Variants in FANCC observed in about 807,000 individuals in gnomAD.
The protein encoded by FANCC is FA complementation group C.
A neutral mutation model predicts 71.3 loss-of-function variants in FANCC; 55 were observed. That is an observed-to-expected ratio of 0.77 (90% CI 0.62 to 0.97). The LOEUF is 0.97. Ranked by LOEUF, FANCC falls within the 50% of genes least tolerant of loss-of-function variation. FANCC has a pLI of 0.00. For synonymous variants in FANCC, 275 were observed against 244.9 expected (o/e 1.12, Z -1.15); for missense variants, 678 against 670.9 (o/e 1.01, Z -0.12).
At chr9:95,149,805 T>C in intron 7 of FANCC, 118 bp downstream of exon 7, 1 of 1,161,566 alleles carries the variant, frequency 8.6e-7, no homozygotes, top group Admixed American at 2.0e-5. Flanking sequence ...TTTAAGAGTA[T>C]AAAGGGTACT....
rs1389094440 is a variant in FANCC at position 95,249,175 on chromosome 9, A to C, written c.117T>G (p.Ala39=). 1 of 1,614,120 alleles carries C rather than the reference A, an allele frequency of 6.2e-7. No homozygotes were observed. Among genetic ancestry groups the C allele is most frequent in the Non-Finnish European group, 8.5e-7 (1 of 1,179,980 alleles). The change falls in exon 2 of 15, where the codon GCT becomes GCG. Residue 39 remains alanine (A), a synonymous_variant. Transcript: ENST00000289081. The stretch of plus-strand genomic sequence containing the variant: ...TCTTCCTTAGGAACTCCTGGAACTG[A>C]GCCACGTGAAGACAGGTGTCTTGCT... ...ETQQDTCLHV[A]QFQEFLRKMY...
rs567646907 is a variant in FANCC at position 95,250,217 on chromosome 9, G to A, written c.-78-848C>T. Reference sequence around the variant, plus strand: ...GCCAGAAGCAGGAATCGCAGAGGAGGGAAGGCTGCCTCTCAACAGGTGCAG... The same window carrying A: ...GCCAGAAGCAGGAATCGCAGAGGAGAGAAGGCTGCCTCTCAACAGGTGCAG... On this transcript the variant is annotated intron_variant, in intron 1 of 14. Transcript: ENST00000289081. 4.6e-5 allele frequency among the ~76,000 whole-genome samples: 7 copies of A among 152,274 alleles called. No individual in the cohort carries two copies. In the East Asian group the frequency reaches 1.2e-3, roughly 25 times the overall value.
intron 7 of FANCC, among the ~76,000 whole-genome samples, chr9:95,142,079 G>C (rs937461746): frequency 7.7e-6 from 1 of 130,690 alleles, no homozygotes; most frequent in African/African-American, 2.9e-5. Flanking sequence ...TACAACCTCT[G>C]CCTCCCGGGT....
chr9:95,129,785 C>T (rs1045572500), intron 8 of FANCC, among the ~76,000 whole-genome samples: 2 of 152,286 alleles, frequency 1.3e-5, no homozygotes, highest in African/African-American at 4.8e-5. Flanking sequence ...TATCTCCCCC[C>T]TCAGGCTTTT....
At chr9:95,104,100 C>T (rs1047432163) in intron 14 of FANCC, among the ~76,000 whole-genome samples, 20 of 152,164 alleles carry the variant, frequency 1.3e-4, no homozygotes, top group African/African-American at 4.6e-4. Flanking sequence ...CAAGCAGACC[C>T]GGCTCTTTCC....
At chr9:95,309,608 G>A (rs552053837) in intron 1 of FANCC, among the ~76,000 whole-genome samples, 5 of 152,112 alleles carry the variant, frequency 3.3e-5, no homozygotes, top group Admixed American at 6.5e-5. Flanking sequence ...TGCATACATT[G>A]TAAATCACCA....
intron 1 of FANCC, among the ~76,000 whole-genome samples, chr9:95,302,117 A>G (rs1206220062): frequency 1.3e-5 from 2 of 151,886 alleles, no homozygotes; most frequent in African/African-American, 4.8e-5. Context: ...AAACAAAAGA[A>G]AAAAGATCTT....
intron 1 of FANCC, among the ~76,000 whole-genome samples, chr9:95,299,471 A>G (rs574535791): frequency 6.6e-5 from 10 of 152,328 alleles, no homozygotes; most frequent in African/African-American, 2.4e-4. Flanking sequence ...GCCTTCTTGG[A>G]GCAAAACCTT....
rs1831181577 is a variant in FANCC, at chr9:95,249,273, C to A, written c.19G>T (p.Asp7Tyr). Residue 7 changes from aspartate (D) to tyrosine (Y), a missense_variant, in exon 2 of 15, where the codon GAT becomes TAT. Coordinates refer to ENST00000289081, the MANE Select transcript of FANCC (RefSeq NM_000136.3). MAQDSV[D>Y]LSCDYQFWMQ... ...CAAAACTGATAATCACAAGAAAGAT[C>A]TACTGAATCTTGAGCCATCTTGGAA... 6.2e-7 allele frequency: 1 copy of A among 1,614,086 alleles called. No homozygotes were observed. Among genetic ancestry groups the A allele is most frequent in the Non-Finnish European group, 8.5e-7 (1 of 1,180,010 alleles).
At chr9:95,127,641 C>T (rs926579528) in intron 8 of FANCC, among the ~76,000 whole-genome samples, 5 of 152,212 alleles carry the variant, frequency 3.3e-5, no homozygotes, top group Non-Finnish European at 5.9e-5. Context: ...GTGGATCAGG[C>T]GCTATTGGAA....
intron 1 of FANCC, among the ~76,000 whole-genome samples, chr9:95,273,691 G>A (rs1318948927): frequency 6.6e-6 from 1 of 152,144 alleles, no homozygotes; most frequent in Non-Finnish European, 1.5e-5. Flanking sequence ...TTCAGCCCAA[G>A]AACTAACCAT....
chr9:95,287,897 A>G (rs1205614496), intron 1 of FANCC, among the ~76,000 whole-genome samples: 1 of 152,210 alleles, frequency 6.6e-6, no homozygotes, highest in Non-Finnish European at 1.5e-5. Flanking sequence ...AATTCAAGAT[A>G]CATATCCAAG....
intron 6 of FANCC, among the ~76,000 whole-genome samples, chr9:95,161,884 C>G (rs556833142): frequency 1.3e-5 from 2 of 148,240 alleles, no homozygotes; most frequent in African/African-American, 5.0e-5. Flanking sequence ...CTCTGTCACC[C>G]AGGCTGGAGT....
At chr9:95,292,836 A>G (rs1365362414) in intron 1 of FANCC, 1 of 1,584,498 alleles carries the variant, frequency 6.3e-7, no homozygotes. Flanking sequence ...GCACAAATGT[A>G]GCAAGTGCAG....
rs533098640 is a variant in FANCC, at chr9:95,277,594, A to G, written c.-78-28225T>C. ...ACAAACCCCAAATAAGATAAATGCA[A>G]TGAGATCCACAAACAAAAACACTGT... On this transcript the variant is annotated intron_variant, in intron 1 of 14. Transcript: ENST00000289081. Among the ~76,000 whole-genome samples, 8 of 152,346 alleles carry G rather than the reference A, an allele frequency of 5.3e-5. No homozygotes were observed. In the East Asian group the frequency reaches 1.2e-3, roughly 22 times the overall value.
chr9:95,104,518 C>T (rs944406611), intron 14 of FANCC, among the ~76,000 whole-genome samples: 1 of 152,184 alleles, frequency 6.6e-6, no homozygotes, highest in Non-Finnish European at 1.5e-5. Context: ...GGGACTGCCC[C>T]ACACAGGATG....
intron 6 of FANCC, among the ~76,000 whole-genome samples, chr9:95,161,338 G>A (rs1830732700): frequency 6.6e-6 from 1 of 152,190 alleles, no homozygotes; most frequent in African/African-American, 2.4e-5. Context: ...CAGGAAATAT[G>A]GGAGTCCTCT....
chr9:95,154,888 T>C (rs975756254), intron 6 of FANCC, among the ~76,000 whole-genome samples: 21 of 152,000 alleles, frequency 1.4e-4, no homozygotes, highest in Admixed American at 1.1e-3. Flanking sequence ...TAAAATACAA[T>C]GTTAACTAGT....
intron 1 of FANCC, among the ~76,000 whole-genome samples, chr9:95,310,969 G>A (rs935953788): frequency 1.3e-5 from 2 of 152,210 alleles, no homozygotes; most frequent in African/African-American, 4.8e-5. Flanking sequence ...CGTTGGCCAG[G>A]AGCGGTGGCT....
Sources: allele counts gnomAD v4.1 joint callset (sites outside exome capture counted in the v4.1 genomes callset), GRCh38; gene constraint gnomAD v4.1.1; transcripts MANE v1.5; gene names NCBI Gene and HGNC (gene_info 2026-07-23, HGNC 2026-07-21).